The following KIF19 variants were observed in gnomAD, a reference collection of about 807,000 sequenced individuals.
KIF19 encodes kinesin family member 19.
Under a neutral mutation model 106.6 loss-of-function variants are expected in KIF19, and 98 were observed. The ratio of observed to expected loss-of-function variants is 0.92; its 90% confidence interval spans 0.78 to 1.09. The LOEUF (loss-of-function observed/expected upper bound fraction) is 1.09, where lower values mean the gene tolerates loss of function less well. Among genes scored for constraint, KIF19 ranks in the 50% least tolerant of loss-of-function variants. The probability of loss-of-function intolerance (pLI) is 0.00; values close to 1 mark genes in which losing one functional copy is unlikely to be tolerated. For synonymous variants in KIF19, 516 were observed against 584.2 expected (o/e 0.88, Z 1.68); for missense variants, 1,373 against 1,414.3 (o/e 0.97, Z 0.47).
In KIF19 at chr17:74,354,789, A is replaced by G; in HGVS notation, c.2714A>G (p.His905Arg). ...SFEVTGQGLS[H>R]PKTHLLGPHQ... ...ACTGTTCAACCATCACAGCTCTCCC[A>G]CCCCAAGACACACCTCCTGGGGCCC... The change falls in exon 19 of 20, where the codon CAC becomes CGC. Residue 905 changes from histidine (H) to arginine (R), a missense_variant. By Grantham distance (29) the His-to-Arg change is conservative. Transcript: ENST00000389916. 6.4e-7 allele frequency: 1 copy of G among 1,555,414 alleles called. No homozygotes were observed. Among genetic ancestry groups the G allele is most frequent in the Non-Finnish European group, 8.7e-7 (1 of 1,149,240 alleles).
intron 4 of KIF19, 60 bp downstream of exon 4, chr17:74,342,777 C>T (rs1199219413): frequency 1.6e-5 from 24 of 1,490,662 alleles, no homozygotes; most frequent in Non-Finnish European, 2.0e-5. Flanking sequence ...CCCCGTCACC[C>T]TCCAACTAGT....
intron 15 of KIF19, 108 bp downstream of exon 15, chr17:74,353,062 G>T (rs779691930): frequency 1.7e-5 from 25 of 1,457,546 alleles, no homozygotes; most frequent in African/African-American, 2.8e-5. Flanking sequence ...AGAGGGAGCA[G>T]GTGGCCCAGG....
intron 2 of KIF19, among the ~76,000 whole-genome samples, chr17:74,333,829 C>T (rs1425945197): frequency 6.7e-6 from 1 of 150,248 alleles, no homozygotes; most frequent in Non-Finnish European, 1.5e-5. Flanking sequence ...TAGCTCCTAT[C>T]AGAACTTCAC....
At chr17:74,332,209 TTTG>T (rs1567897594) in intron 2 of KIF19, among the ~76,000 whole-genome samples, 9 of 50,402 alleles carry the variant, frequency 1.8e-4, no homozygotes, top group African/African-American at 7.3e-4. Flanking sequence ...TGTGTGTGTG[TTTG>T]TGTGTGTGTG....
chr17:74,354,263 G>A lies in KIF19; in HGVS notation c.2410G>A (p.Ala804Thr), dbSNP rs2271534. 0.12 allele frequency: 192,735 copies of A among 1,608,336 alleles called. 12,173 individuals are homozygous for A. The highest frequency in any genetic ancestry group is 0.14 in the Middle Eastern group (873 of 6,050). Reference protein sequence around the residue: ...GTEGRHLLAPATERSSLSLHS... With the variant: ...GTEGRHLLAPTTERSSLSLHS... ...CGAGGGGCGACACCTGCTGGCACCC[G>A]CGACAGAGCGCAGCAGCCTGTCCCT... The change falls in exon 18 of 20, where the codon GCG (alanine) becomes ACG (threonine). Residue 804 changes from alanine (A) to threonine (T), a missense_variant. By Grantham distance (58) the Ala-to-Thr change is moderately conservative. Coordinates refer to ENST00000389916, the MANE Select transcript of KIF19 (RefSeq NM_153209.4).
Position 74,353,318 on chromosome 17 carries a change from C to T in KIF19, c.2220+17C>T, listed in dbSNP as rs1449776279. Reference sequence around the variant, plus strand: ...ACGCAGGAGGTGAGCTCTCAGTACCCGATGGCCCCACGAGCTCCACTGCAG... The same window carrying T: ...ACGCAGGAGGTGAGCTCTCAGTACCTGATGGCCCCACGAGCTCCACTGCAG... On this transcript the variant is annotated intron_variant, in intron 16 of 19. Coordinates refer to ENST00000389916, the MANE Select transcript of KIF19 (RefSeq NM_153209.4). 13 of 1,551,772 alleles carry T rather than the reference C, an allele frequency of 8.4e-6. No homozygotes were observed. The highest frequency in any genetic ancestry group is 2.7e-5 in the African/African-American group (2 of 73,218).
At position 74,328,500 on chromosome 17, in the gene KIF19, G is replaced by GAGCAGGTATGCAGGGCTCTGC; in HGVS notation, c.120+2_120+22dup. Reference sequence around the variant, plus strand: ...TACCCTCATCGCCCATAAAGTGGATGAGCAGGTATGCAGGGCTCTGCAGCA... The same window carrying GAGCAGGTATGCAGGGCTCTGC: ...TACCCTCATCGCCCATAAAGTGGATGAGCAGGTATGCAGGGCTCTGCAGCAGGTATGCAGGGCTCTGCAGCA... On this transcript the variant is annotated inframe_insertion, in exon 2 of 20. Coordinates refer to ENST00000389916, the MANE Select transcript of KIF19 (RefSeq NM_153209.4). 1 of 1,587,626 alleles carries GAGCAGGTATGCAGGGCTCTGC rather than the reference G, an allele frequency of 6.3e-7. No individual in the cohort carries two copies. The highest frequency in any genetic ancestry group is 8.6e-7 in the Non-Finnish European group (1 of 1,163,482).
intron 10 of KIF19, 65 bp downstream of exon 10, chr17:74,349,414 G>A (rs1255025262): frequency 6.8e-7 from 1 of 1,464,438 alleles, no homozygotes; most frequent in African/African-American, 1.4e-5. Context: ...TCTGGGATCA[G>A]GCCATGTTGT....
intron 2 of KIF19, 167 bp downstream of exon 2, chr17:74,328,672 C>T (rs1395241011): frequency 1.7e-6 from 1 of 587,702 alleles, no homozygotes; most frequent in Non-Finnish European, 3.0e-6. Context: ...GCTGGGGGCT[C>T]TTCTTCCAGG....
Position 74,355,169 on chromosome 17 carries a change from T to C in KIF19, c.2867-13T>C, listed in dbSNP as rs376845224. Reference sequence around the variant, plus strand: ...TTCCGAAACCACTGATCCTGCCCCTTTCCCTGTTGCAGGCCCGGGGGACTC... The same window carrying C: ...TTCCGAAACCACTGATCCTGCCCCTCTCCCTGTTGCAGGCCCGGGGGACTC... On this transcript the variant is annotated splice_polypyrimidine_tract_variant and intron_variant, in intron 19 of 19. Transcript: ENST00000389916. 1.1e-4 allele frequency: 174 copies of C among 1,583,498 alleles called. No individual in the cohort carries two copies. In the African/African-American group the frequency reaches 2.0e-3, roughly 18 times the overall value.
chr17:74,352,910 C>T lies in KIF19; in HGVS notation c.2070C>T (p.Ala690=), dbSNP rs372148544. Residue 690 remains alanine (A), a synonymous_variant, in exon 15 of 20, where the codon GCC becomes GCT. Coordinates refer to ENST00000389916, the MANE Select transcript of KIF19 (RefSeq NM_153209.4). The part of the protein sequence containing the change: ...LESVKTLSSD[A]QHLQNSALPP... ...GTGTGAAGACATTGAGCTCTGATGC[C>T]CAGCACCTGCAGAACAGCGCCCTCC... is the stretch of plus-strand genomic sequence containing the variant. The T allele has an allele frequency of 2.2e-5, 35 of 1,613,930 alleles. No homozygotes were observed. The highest frequency in any genetic ancestry group is 2.9e-5 in the Non-Finnish European group (34 of 1,179,876).
rs1419469715 is a variant in KIF19 at position 74,350,918 on chromosome 17, TG to T, written c.1587+19del. 6.2e-7 allele frequency: 1 copy of T among 1,612,762 alleles called. No homozygotes were observed. The highest frequency in any genetic ancestry group is 8.5e-7 in the Non-Finnish European group (1 of 1,179,768). Reference sequence around the variant, plus strand: ...GCGCAAGCAGAAGGTGTCCAGGGTTTGGGGGGACAAGGAGAGTGGGTTTAGG... The same window carrying T: ...GCGCAAGCAGAAGGTGTCCAGGGTTTGGGGGACAAGGAGAGTGGGTTTAGG... On this transcript the variant is annotated intron_variant, in intron 12 of 19. Transcript: ENST00000389916.
At position 74,331,105 on chromosome 17, in the gene KIF19, A is replaced by G. The variant is rs1382561053; in HGVS notation, c.120+2600A>G. On this transcript the variant is annotated intron_variant, in intron 2 of 19. Transcript: ENST00000389916. The surrounding 1 kb of genome is among the most constrained non-coding windows in gnomAD (Gnocchi z 4.1). ...CATGAACCCAGGAAGCAAAATGCAC[A>G]TGGACCCCCCCTTACCCTTGTCCCC... Among the ~76,000 whole-genome samples, 3 of 152,116 alleles carry G rather than the reference A, an allele frequency of 2.0e-5. No individual in the cohort carries two copies. Among genetic ancestry groups the G allele is most frequent in the South Asian group, 2.1e-4 (1 of 4,830 alleles).
chr17:74,338,796 C>A (rs1303145497), intron 2 of KIF19, among the ~76,000 whole-genome samples: 1 of 151,834 alleles, frequency 6.6e-6, no homozygotes, highest in Non-Finnish European at 1.5e-5. Context: ...CTGGGTGGAC[C>A]CAGAGGGACC....
rs1296235535 is a variant in KIF19 at position 74,350,448 on chromosome 17, C to G, written c.1261C>G (p.Gln421Glu). 3 of 1,609,162 alleles carry G rather than the reference C, an allele frequency of 1.9e-6. No homozygotes were observed. Among genetic ancestry groups the G allele is most frequent in the East Asian group, 2.2e-5 (1 of 44,746 alleles). The change falls in exon 11 of 20, where the codon CAG (glutamine) becomes GAG (glutamate). Residue 421 changes from glutamine to glutamate, a missense_variant. Transcript: ENST00000389916. Reference sequence around the variant, plus strand: ...GCAGGGTGAGAAGGCTGGCATGGGACAGCTTCGGGAGCAGCTCGCCAGCGC... The same window carrying G: ...GCAGGGTGAGAAGGCTGGCATGGGAGAGCTTCGGGAGCAGCTCGCCAGCGC... ...SGQGEKAGMG[Q>E]LREQLASAFQ...
Position 74,337,957 on chromosome 17 carries a change from T to G in KIF19, c.121-3919T>G, listed in dbSNP as rs115363072. 8.5e-3 allele frequency among the ~76,000 whole-genome samples: 1,287 copies of G among 152,304 alleles called. 21 individuals are homozygous for G. The highest frequency in any genetic ancestry group is 0.029 in the African/African-American group (1,221 of 41,566). ...GGGCGGGGGCTGGAGCCCGGACAGA[T>G]GGAACCCAGACAAAGCCCTCTTTAA... On this transcript the variant is annotated intron_variant, in intron 2 of 19. Coordinates refer to ENST00000389916, the MANE Select transcript of KIF19 (RefSeq NM_153209.4).
At chr17:74,335,394 T>C (rs1334750857) in intron 2 of KIF19, among the ~76,000 whole-genome samples, 2 of 152,244 alleles carry the variant, frequency 1.3e-5, no homozygotes, top group African/African-American at 4.8e-5. Context: ...AGCCTAGTAG[T>C]GTGACATGCT....
At chr17:74,340,623 C>G (rs1346401957) in intron 2 of KIF19, among the ~76,000 whole-genome samples, 1 of 152,108 alleles carries the variant, frequency 6.6e-6, no homozygotes, top group East Asian at 1.9e-4. Flanking sequence ...TGGGATTGGC[C>G]CACCCATGGC....
At chr17:74,335,547 G>A (rs2054197644) in intron 2 of KIF19, among the ~76,000 whole-genome samples, 1 of 152,224 alleles carries the variant, frequency 6.6e-6, no homozygotes, top group African/African-American at 2.4e-5. Flanking sequence ...AAAAGACTCC[G>A]ACTCCGTCTG....
Sources: allele counts gnomAD v4.1 joint callset (sites outside exome capture counted in the v4.1 genomes callset), GRCh38; gene constraint gnomAD v4.1.1; non-coding constraint Gnocchi (gnomAD v3.1); transcripts MANE v1.5; gene names NCBI Gene and HGNC (gene_info 2026-07-23, HGNC 2026-07-21).